DPP6: variants seen among roughly 807,000 people sequenced by gnomAD.
DPP6 encodes A-type potassium channel modulatory protein DPP6.
A neutral mutation model predicts 122.6 loss-of-function variants in DPP6; 69 were observed. The observed-to-expected ratio is 0.56, with a 90% CI of 0.46 to 0.69. The LOEUF is 0.69. Among genes scored for constraint, DPP6 ranks in the 30% least tolerant of loss-of-function variants. The pLI is 0.00. For missense variants in DPP6, 928 were observed against 1,116.9 expected, an observed-to-expected ratio of 0.83 and a Z score of 2.41; for synonymous variants, 418 against 433.1, an observed-to-expected ratio of 0.97 and a Z score of 0.43.
rs182201882 is a variant in DPP6 at position 154,125,332 on chromosome 7, C to T, written c.243+72269C>T. Among the ~76,000 whole-genome samples, 66 of 152,292 alleles carry T rather than the reference C, an allele frequency of 4.3e-4. 1 individual carries two copies. Among genetic ancestry groups the T allele is most frequent in the African/African-American group, 1.4e-3 (57 of 41,564 alleles). The stretch of plus-strand genomic sequence containing the variant: ...GTCCTACCTGCTTCTGTTTATATAC[C>T]GCCTACATTTCTGAAAATTCTAGTG... On this transcript the variant is annotated intron_variant, in intron 1 of 25. Transcript: ENST00000377770.
intron 1 of DPP6, among the ~76,000 whole-genome samples, chr7:153,948,630 T>A (rs986098055): frequency 6.6e-6 from 1 of 151,506 alleles, no homozygotes; most frequent in Non-Finnish European, 1.5e-5. Flanking sequence ...TTTTTATTTT[T>A]TTTAGGATCA....
Position 154,772,854 on chromosome 7 carries a change from G to A in DPP6, c.1048G>A (p.Glu350Lys), listed in dbSNP as rs1282344027. 6.2e-7 allele frequency: 1 copy of A among 1,612,344 alleles called. No homozygotes were observed. Among genetic ancestry groups the A allele is most frequent in the Non-Finnish European group, 8.5e-7 (1 of 1,179,486 alleles). The change falls in exon 10 of 26, where the codon GAG (glutamate) becomes AAG (lysine). Residue 350 changes from glutamate to lysine, a missense_variant. Physicochemically the swap from Glu to Lys is moderately conservative, Grantham distance 56. Coordinates refer to ENST00000377770, the MANE Select transcript of DPP6 (RefSeq NM_130797.4). ...CCTTTTTAATCCCCAGGCTGGAAGT[G>A]AGAACCCCAGCATTTCCCTACACGT... ...KPYHYPKAGS[E>K]NPSISLHVIG... is the part of the protein sequence containing the mutation.
intron 1 of DPP6, among the ~76,000 whole-genome samples, chr7:154,046,494 C>G (rs570586314): frequency 1.3e-5 from 2 of 152,270 alleles, no homozygotes; most frequent in East Asian, 3.9e-4. Flanking sequence ...ATTTAGAACT[C>G]AAAGATGAGT....
chr7:154,061,338 C>T (rs1433581945), intron 1 of DPP6, among the ~76,000 whole-genome samples: 74 of 147,922 alleles, frequency 5.0e-4, no homozygotes, highest in African/African-American at 1.6e-3. Context: ...TCTGACAAAG[C>T]CTTTTCCATT....
At chr7:153,831,796 G>A in the DPP6 span, among the ~76,000 whole-genome samples, 1 of 152,194 alleles carries the variant, frequency 6.6e-6, no homozygotes, top group Non-Finnish European at 1.5e-5. Flanking sequence ...ATTGTTTGCA[G>A]ACCTCGGGCC....
intron 1 of DPP6, among the ~76,000 whole-genome samples, chr7:154,103,386 C>A (rs960416100): frequency 6.6e-6 from 1 of 152,114 alleles, no homozygotes; most frequent in African/African-American, 2.4e-5. Context: ...AAGCAAGGGC[C>A]TCATTGAGTA....
chr7:154,327,110 G>A (rs574502243), intron 1 of DPP6, among the ~76,000 whole-genome samples: 3 of 152,172 alleles, frequency 2.0e-5, no homozygotes, highest in Admixed American at 6.5e-5. Context: ...GTCATTTGGG[G>A]GGTCTGAATG....
intron 1 of DPP6, among the ~76,000 whole-genome samples, chr7:154,244,548 A>G (rs1801850028): frequency 6.6e-6 from 1 of 152,176 alleles, no homozygotes; most frequent in Non-Finnish European, 1.5e-5. Flanking sequence ...ATGTATGACA[A>G]TAACAACATA....
rs577003880 is a variant in DPP6, at chr7:154,100,180, A to T, written c.243+47117A>T. 3.2e-4 allele frequency among the ~76,000 whole-genome samples: 35 copies of T among 109,446 alleles called. 1 individual carries two copies. Among genetic ancestry groups the T allele is most frequent in the Non-Finnish European group, 5.0e-4 (27 of 54,538 alleles). 71.8% of individuals were successfully genotyped at this position (109,446 alleles called of 152,430 possible). A position where few individuals can be genotyped will look rare whatever the true frequency, so the allele number is the denominator to read the frequency against. On this transcript the variant is annotated intron_variant, in intron 1 of 25. Coordinates refer to ENST00000377770, the MANE Select transcript of DPP6 (RefSeq NM_130797.4). Reference sequence around the variant, plus strand: ...ATAATAGAGCAAAATCAACTTCCAGAGTAGAAGTGGGAGTTTTATTTTTTA... The same window carrying T: ...ATAATAGAGCAAAATCAACTTCCAGTGTAGAAGTGGGAGTTTTATTTTTTA...
At chr7:154,671,870 A>ACACACACGTGCACC (rs1554431546) in intron 7 of DPP6, among the ~76,000 whole-genome samples, 1 of 150,030 alleles carries the variant, frequency 6.7e-6, no homozygotes, top group Admixed American at 6.7e-5. Flanking sequence ...ACATGCACAC[A>ACACACACGTGCACC]CACACACACA....
At chr7:154,732,056 T>TG (rs1285452761) in intron 8 of DPP6, among the ~76,000 whole-genome samples, 35 of 152,036 alleles carry the variant, frequency 2.3e-4, no homozygotes, top group African/African-American at 8.5e-4. Flanking sequence ...TTTTTTTTTT[T>TG]GAGATGGAGT....
chr7:153,810,627 T>C, the DPP6 span, among the ~76,000 whole-genome samples: 1 of 151,808 alleles, frequency 6.6e-6, no homozygotes, highest in African/African-American at 2.4e-5. Context: ...TTCTACTTGT[T>C]TTCTCTCCTA....
chr7:153,814,708 A>T, the DPP6 span, among the ~76,000 whole-genome samples: 1 of 152,228 alleles, frequency 6.6e-6, no homozygotes, highest in East Asian at 1.9e-4. Context: ...AAAAATCCTC[A>T]ATAAAATACT....
At chr7:154,012,836 A>T (rs1039389511) in intron 1 of DPP6, among the ~76,000 whole-genome samples, 1 of 152,072 alleles carries the variant, frequency 6.6e-6, no homozygotes, top group Admixed American at 6.5e-5. Context: ...AACATTATGG[A>T]TCTTATATTT....
chr7:154,133,732 T>C (rs1240032663), intron 1 of DPP6, among the ~76,000 whole-genome samples: 31 of 151,460 alleles, frequency 2.0e-4, no homozygotes, highest in Admixed American at 2.0e-3. Context: ...GACAGAGTCA[T>C]TTAATTTCAG....
At position 154,481,345 on chromosome 7, in the gene DPP6, G is replaced by GT. The variant is rs59798967; in HGVS notation, c.457+6308_457+6309insT. On this transcript the variant is annotated intron_variant, in intron 3 of 25. Transcript: ENST00000377770. The surrounding 1 kb of genome is among the most constrained non-coding windows in gnomAD (Gnocchi z 4.2). ...TATACACTTGGAGAGAGAGAGAGAG[G>GT]GGTGTGTGTGTGTGTGTGTGTGTGT... Among the ~76,000 whole-genome samples, 94,175 of 142,852 alleles carry GT rather than the reference G, an allele frequency of 0.66. 29,984 individuals are homozygous for GT. The highest frequency in any genetic ancestry group is 0.76 in the South Asian group (3,507 of 4,614). The allele number at this position is 142,852 out of a possible 152,430, so 93.7% of individuals were successfully genotyped here. A position where few individuals can be genotyped will look rare whatever the true frequency, so the allele number is the denominator to read the frequency against.
At chr7:154,411,486 CCTT>C (rs1563624767) in intron 1 of DPP6, among the ~76,000 whole-genome samples, 1 of 152,126 alleles carries the variant, frequency 6.6e-6, no homozygotes, top group South Asian at 2.1e-4. Flanking sequence ...AGCAGTCTGC[CCTT>C]CTTGGCCTCT....
chr7:153,848,093 G>C, the DPP6 span, among the ~76,000 whole-genome samples: 4 of 152,144 alleles, frequency 2.6e-5, no homozygotes, highest in African/African-American at 9.7e-5. Flanking sequence ...GGCGGATAGG[G>C]GACCGGGCCA....
chr7:153,769,206 T>C, the DPP6 span, among the ~76,000 whole-genome samples: 1 of 152,358 alleles, frequency 6.6e-6, no homozygotes, highest in Non-Finnish European at 1.5e-5. Context: ...CCACAAATGA[T>C]AACAGTTATA....
Sources: allele counts gnomAD v4.1 joint callset (sites outside exome capture counted in the v4.1 genomes callset), GRCh38; gene constraint gnomAD v4.1.1; non-coding constraint Gnocchi (gnomAD v3.1); transcripts MANE v1.5; gene names NCBI Gene and HGNC (gene_info 2026-07-23, HGNC 2026-07-21).